Variants in FBRSL1 observed in about 807,000 individuals in gnomAD.
FBRSL1 encodes the protein fibrosin-1-like protein.
In FBRSL1, 51 loss-of-function variants were observed where a neutral mutation model predicts 89.6. The observed-to-expected ratio is 0.57, with a 90% CI of 0.45 to 0.72. FBRSL1 has a LOEUF of 0.72. FBRSL1 is among the 30% of genes least tolerant of loss of function. The probability of loss-of-function intolerance (pLI) is 0.00; values close to 1 mark genes in which losing one functional copy is unlikely to be tolerated. For synonymous variants in FBRSL1, 779 were observed against 681.1 expected (o/e 1.14, Z -2.24); for missense variants, 1,618 against 1,451.8 (o/e 1.11, Z -1.86).
chr12:132,518,596 GTCCA>G (rs1348346501), intron 2 of FBRSL1, among the ~76,000 whole-genome samples: 2 of 138,934 alleles, frequency 1.4e-5, no homozygotes, highest in Admixed American at 7.3e-5. Flanking sequence ...CCACCCATCT[GTCCA>G]TCCATCCACC....
At chr12:132,508,484 T>C (rs573300277) in intron 2 of FBRSL1, 134 bp downstream of exon 2, 2 of 1,121,854 alleles carry the variant, frequency 1.8e-6, no homozygotes, top group South Asian at 1.6e-5. Context: ...TTGTCAGGCT[T>C]GGGGTGCAGG....
At position 132,572,522 on chromosome 12, in the gene FBRSL1, T is replaced by TA. The variant is rs1401312188; in HGVS notation, c.1435-4dup. Reference sequence around the variant, plus strand: ...CCCCCTCCATCCGCTCTCCTTCTCTTACAGTTCTTCCCGTCCTTCCCTCCT... The same window carrying TA: ...CCCCCTCCATCCGCTCTCCTTCTCTTAACAGTTCTTCCCGTCCTTCCCTCCT... On this transcript the variant is annotated splice_polypyrimidine_tract_variant and splice_region_variant and intron_variant, in intron 10 of 18. Coordinates refer to ENST00000680143, the MANE Select transcript of FBRSL1 (RefSeq NM_001367871.1). The TA allele has an allele frequency of 6.5e-6, 10 of 1,549,790 alleles. No individual in the cohort carries two copies. The highest frequency in any genetic ancestry group is 5.9e-5 in the Admixed American group (3 of 50,974).
chr12:132,570,482 A>G lies in FBRSL1; in HGVS notation c.1155A>G (p.Thr385=), dbSNP rs1426679922. ...LHAAMFAAPP[T]LPPPPALPAS... ...CGGCCATGTTTGCCGCACCCCCGAC[A>G]CTGCCCCCGCCCCCGGCGCTGCCGG... is the stretch of plus-strand genomic sequence containing the variant. The change falls in exon 8 of 19, where the codon ACA becomes ACG. Residue 385 remains threonine, a synonymous_variant. Transcript: ENST00000680143. 7.8e-6 allele frequency: 12 copies of G among 1,529,542 alleles called. No individual in the cohort carries two copies. The highest frequency in any genetic ancestry group is 9.6e-6 in the Non-Finnish European group (11 of 1,143,838). 94.7% of individuals were successfully genotyped at this position (1,529,542 alleles called of 1,614,324 possible).
chr12:132,541,711 C>T (rs1882301), intron 4 of FBRSL1, among the ~76,000 whole-genome samples: 41,070 of 152,280 alleles, frequency 0.27, 5,873 homozygotes, highest in East Asian at 0.41. Context: ...GCCGGTGCCA[C>T]GCCAGCCCCT....
intron 5 of FBRSL1, among the ~76,000 whole-genome samples, chr12:132,558,983 G>C (rs996401184): frequency 2.6e-5 from 4 of 152,234 alleles, no homozygotes; most frequent in Non-Finnish European, 4.4e-5. Context: ...CTTACTCATC[G>C]CGTTTGAGTT....
chr12:132,537,078 T>G (rs1189560665), intron 4 of FBRSL1, among the ~76,000 whole-genome samples: 1 of 152,070 alleles, frequency 6.6e-6, no homozygotes, highest in African/African-American at 2.4e-5. Flanking sequence ...CCTTGCTGTG[T>G]GGAGACAGCT....
At chr12:132,565,934 G>C (rs1165228670) in intron 5 of FBRSL1, 1 of 152,204 alleles carries the variant, frequency 6.6e-6, no homozygotes, top group Non-Finnish European at 1.5e-5. Context: ...TAGGAGTCAG[G>C]GTTTCTTTTT....
chr12:132,539,186 T>C (rs1489055414), intron 4 of FBRSL1, among the ~76,000 whole-genome samples: 1 of 152,070 alleles, frequency 6.6e-6, no homozygotes, highest in Non-Finnish European at 1.5e-5. Context: ...GCGCCTGCTC[T>C]TCCAGTCTCC....
intron 1 of FBRSL1, among the ~76,000 whole-genome samples, 158 bp downstream of exon 1, chr12:132,491,019 G>A (rs528920283): frequency 1.3e-5 from 2 of 152,342 alleles, no homozygotes; most frequent in African/African-American, 4.8e-5. Context: ...AGGGACCCTG[G>A]GTGCCCACCG....
chr12:132,581,740 G>A lies in FBRSL1; in HGVS notation c.1913-1G>A, dbSNP rs993201727. Reference sequence around the variant, plus strand: ...TCTGGGTCCCGCGGTTGCCCCCACAGACCCTTTCAGCAGACCGAGCACCTT... The same window carrying A: ...TCTGGGTCCCGCGGTTGCCCCCACAAACCCTTTCAGCAGACCGAGCACCTT... On this transcript the variant is annotated splice_acceptor_variant, in intron 16 of 18. Transcript: ENST00000680143. LOFTEE classifies it high-confidence loss of function. 1 of 1,550,012 alleles carries A rather than the reference G, an allele frequency of 6.5e-7. No homozygotes were observed. The highest frequency in any genetic ancestry group is 1.4e-5 in the African/African-American group (1 of 73,042).
In FBRSL1 at chr12:132,570,518, G is replaced by C. The variant is rs957336043; in HGVS notation, c.1191G>C (p.Leu397=). The change falls in exon 8 of 19, where the codon CTG becomes CTC. Residue 397 remains leucine, a synonymous_variant. Transcript: ENST00000680143. ...CCCCGGCGCTGCCGGCCAGCAGCCT[G>C]GTCCTCCCAGGACACCCGGCCGGTA... The part of the protein sequence containing the change: ...PPPPALPASS[L]VLPGHPADAS... 2.6e-6 allele frequency: 4 copies of C among 1,523,942 alleles called. No individual in the cohort carries two copies. Among genetic ancestry groups the C allele is most frequent in the Non-Finnish European group, 2.6e-6 (3 of 1,140,836 alleles). The allele number at this position is 1,523,942 out of a possible 1,614,324, so 94.4% of individuals were successfully genotyped here.
In FBRSL1 at chr12:132,528,105, C is replaced by G. The variant is rs970360354; in HGVS notation, c.615+117C>G. The G allele has an allele frequency of 5.7e-6, 5 of 881,460 alleles. No individual in the cohort carries two copies. In the African/African-American group the frequency reaches 8.3e-5, roughly 15 times the overall value. The allele number at this position is 881,460 out of a possible 1,614,324, so 54.6% of individuals were successfully genotyped here. A position where few individuals can be genotyped will look rare whatever the true frequency, so the allele number is the denominator to read the frequency against. The stretch of plus-strand genomic sequence containing the variant: ...CTCACCCCAGTCCCGTGCCCGCTTT[C>G]CCTCTGGAGCCCCAGACTGGTTCTG... On this transcript the variant is annotated intron_variant, in intron 4 of 18. Coordinates refer to ENST00000680143, the MANE Select transcript of FBRSL1 (RefSeq NM_001367871.1).
intron 4 of FBRSL1, among the ~76,000 whole-genome samples, chr12:132,547,234 T>C (rs2137310036): frequency 6.8e-6 from 1 of 147,808 alleles, no homozygotes; most frequent in East Asian, 2.0e-4. Context: ...TTCGTAGGGC[T>C]CTGCTTACTG....
intron 2 of FBRSL1, among the ~76,000 whole-genome samples, chr12:132,517,693 A>G (rs1402579596): frequency 2.0e-5 from 3 of 152,142 alleles, no homozygotes; most frequent in African/African-American, 7.2e-5. Flanking sequence ...CGTGTGCCTG[A>G]GGAGCCGAGC....
At chr12:132,494,504 C>T (rs940452975) in intron 1 of FBRSL1, among the ~76,000 whole-genome samples, 4 of 152,254 alleles carry the variant, frequency 2.6e-5, no homozygotes, top group African/African-American at 7.2e-5. Flanking sequence ...CCCACTCCCA[C>T]ATGCTGGCCG....
intron 1 of FBRSL1, chr12:132,507,230 A>G (rs1298546244): frequency 3.0e-6 from 3 of 985,150 alleles, no homozygotes; most frequent in Non-Finnish European, 2.4e-6. Context: ...CCTGGGCTTC[A>G]CTGCTGCTGT....
At chr12:132,517,826 A>G (rs1003930741) in intron 2 of FBRSL1, among the ~76,000 whole-genome samples, 6 of 152,278 alleles carry the variant, frequency 3.9e-5, no homozygotes, top group Non-Finnish European at 7.4e-5. Context: ...TGGGGGAGGC[A>G]GCACGGTTGT....
At position 132,583,398 on chromosome 12, in the gene FBRSL1, C is replaced by A; in HGVS notation, c.2629C>A (p.Leu877Ile). Residue 877 changes from leucine (L) to isoleucine (I), a missense_variant, in exon 19 of 19, where the codon CTC (leucine) becomes ATC (isoleucine). Leu to Ile is a conservative substitution (Grantham distance 5). Transcript: ENST00000680143. ...CGCCCCCGCCCCGGGCTCCGCCGCCCTCTTGGAGCCCCCGGAGCGCCCCTA... is the reference window on the plus strand; with the variant it reads ...CGCCCCCGCCCCGGGCTCCGCCGCCATCTTGGAGCCCCCGGAGCGCCCCTA... Reference protein sequence around the residue: ...AAAPAPGSAALLEPPERPYRD... With the variant: ...AAAPAPGSAAILEPPERPYRD... 2 of 1,082,344 alleles carry A rather than the reference C, an allele frequency of 1.8e-6. No homozygotes were observed. Among genetic ancestry groups the A allele is most frequent in the South Asian group, 3.0e-5 (1 of 33,164 alleles). 67.0% of individuals were successfully genotyped at this position (1,082,344 alleles called of 1,614,324 possible). A position where few individuals can be genotyped will look rare whatever the true frequency, so the allele number is the denominator to read the frequency against.
chr12:132,562,125 C>T (rs2039179716), intron 5 of FBRSL1, among the ~76,000 whole-genome samples: 1 of 152,186 alleles, frequency 6.6e-6, no homozygotes, highest in South Asian at 2.1e-4. Context: ...ATGGTCACTG[C>T]GTAGCCTGGG....
Sources: allele counts gnomAD v4.1 joint callset (sites outside exome capture counted in the v4.1 genomes callset), GRCh38; gene constraint gnomAD v4.1.1; transcripts MANE v1.5; gene names NCBI Gene and HGNC (gene_info 2026-07-23, HGNC 2026-07-21).